The following GALNT10 variants were observed in gnomAD, a reference collection of about 807,000 sequenced individuals.
GALNT10 encodes polypeptide N-acetylgalactosaminyltransferase 10.
Under a neutral mutation model 75.0 loss-of-function variants are expected in GALNT10, and 41 were observed. That is an observed-to-expected ratio of 0.55 (90% confidence interval 0.43 to 0.71). The LOEUF is 0.71. Among genes scored for constraint, GALNT10 ranks in the 30% least tolerant of loss-of-function variants. The pLI, the probability that GALNT10 is intolerant of heterozygous loss-of-function variation, is 0.00. For missense variants in GALNT10, 727 were observed against 818.5 expected (o/e 0.89, Z 1.36); for synonymous variants, 302 against 313.0 (o/e 0.96, Z 0.37).
intron 1 of GALNT10, among the ~76,000 whole-genome samples, chr5:154,222,986 A>C (rs145672174): frequency 1.5e-3 from 222 of 152,340 alleles, no homozygotes; most frequent in African/African-American, 5.0e-3. Context: ...GAAATTTAAC[A>C]AATGTAGTAA....
chr5:154,328,548 G>A (rs902324222), intron 3 of GALNT10, among the ~76,000 whole-genome samples: 3 of 152,204 alleles, frequency 2.0e-5, no homozygotes, highest in African/African-American at 7.2e-5. Context: ...GGGGCTCCCC[G>A]ACAAGCAATT....
Position 154,416,518 on chromosome 5 carries a change from C to T in GALNT10, c.1654-296C>T, listed in dbSNP as rs1340710967. Among the ~76,000 whole-genome samples the T allele has an allele frequency of 2.7e-5, 4 of 149,144 alleles. No individual in the cohort carries two copies. In the East Asian group the frequency reaches 5.9e-4, roughly 22 times the overall value. ...ACACACACACACACACACACACACA[C>T]GATAAGGACCAGTGAGGTCTGACAG... is the stretch of plus-strand genomic sequence containing the variant. On this transcript the variant is annotated intron_variant, in intron 11 of 11. Transcript: ENST00000297107. This position sits in a 1 kb window ranked among gnomAD's most constrained non-coding sequence, Gnocchi z 4.5.
chr5:154,211,482 G>T (rs567470644), intron 1 of GALNT10, among the ~76,000 whole-genome samples: 1 of 152,168 alleles, frequency 6.6e-6, no homozygotes, highest in East Asian at 1.9e-4. Flanking sequence ...TACTCCTTCT[G>T]CTGTGAAACT....
intron 1 of GALNT10, among the ~76,000 whole-genome samples, chr5:154,209,868 T>C (rs1476803199): frequency 6.6e-6 from 1 of 151,090 alleles, no homozygotes; most frequent in Non-Finnish European, 1.5e-5. Context: ...ATAGCTCTAG[T>C]GGGGTTTACA....
chr5:154,317,237 G>T (rs544479820), intron 3 of GALNT10, among the ~76,000 whole-genome samples: 1 of 152,184 alleles, frequency 6.6e-6, no homozygotes, highest in Admixed American at 6.5e-5. Context: ...TCTGTGGATG[G>T]TGTCCCATGC....
intron 4 of GALNT10, among the ~76,000 whole-genome samples, chr5:154,339,260 A>G (rs1160258598): frequency 2.5e-4 from 38 of 152,336 alleles, no homozygotes; most frequent in Non-Finnish European, 1.2e-4. Context: ...CATCTCAAGT[A>G]TCAGTCTCCA....
At chr5:154,248,598 A>G (rs887392086) in intron 1 of GALNT10, among the ~76,000 whole-genome samples, 11 of 152,352 alleles carry the variant, frequency 7.2e-5, no homozygotes, top group Non-Finnish European at 1.5e-4. Context: ...TTATTTGCAT[A>G]GAGATGTTTA....
rs1473769585 is a variant in GALNT10 at position 154,386,400 on chromosome 5, G to T, written c.1026G>T (p.Trp342Cys). 2 of 1,613,274 alleles carry T rather than the reference G, an allele frequency of 1.2e-6. No individual in the cohort carries two copies. The highest frequency in any genetic ancestry group is 2.2e-5 in the South Asian group (2 of 91,080). ...GGTATGACCCAGGCTTGGAGATCTGGGGAGGGGAGCAGTATGAAATCTCCT... is the reference window on the plus strand; with the variant it reads ...GGTATGACCCAGGCTTGGAGATCTGTGGAGGGGAGCAGTATGAAATCTCCT... ...LGGYDPGLEI[W>C]GGEQYEISFK... is the part of the protein sequence containing the mutation. The change falls in exon 7 of 12, where the codon TGG (tryptophan) becomes TGT (cysteine). Residue 342 changes from tryptophan to cysteine, a missense_variant. Trp to Cys is a radical substitution (Grantham distance 215). Coordinates refer to ENST00000297107, the MANE Select transcript of GALNT10 (RefSeq NM_198321.4).
intron 1 of GALNT10, chr5:154,219,366 C>A (rs1752934023): frequency 6.6e-6 from 1 of 152,586 alleles, no homozygotes; most frequent in African/African-American, 2.4e-5. Flanking sequence ...TAACCGTATC[C>A]CAGGACAGTC....
At chr5:154,296,694 G>A (rs1754279662) in intron 2 of GALNT10, among the ~76,000 whole-genome samples, 1 of 152,236 alleles carries the variant, frequency 6.6e-6, no homozygotes, top group Non-Finnish European at 1.5e-5. Flanking sequence ...GGGATGGTAG[G>A]GCTGGCCTTG....
At position 154,412,444 on chromosome 5, in the gene GALNT10, A is replaced by T. The variant is rs1427087201; in HGVS notation, c.1387-445A>T. 4 of 186,592 alleles carry T rather than the reference A, an allele frequency of 2.1e-5. No individual in the cohort carries two copies. 11.6% of individuals were successfully genotyped at this position (186,592 alleles called of 1,614,324 possible). ...TCTTGCCATTCACCTGTCCTAAGGG[A>T]CAGAGACAGTCCATGACATACAGCA... is the stretch of plus-strand genomic sequence containing the variant. On this transcript the variant is annotated intron_variant, in intron 9 of 11. Coordinates refer to ENST00000297107, the MANE Select transcript of GALNT10 (RefSeq NM_198321.4). The surrounding 1 kb of genome is among the most constrained non-coding windows in gnomAD (Gnocchi z 4.2).
intron 4 of GALNT10, among the ~76,000 whole-genome samples, chr5:154,363,362 A>C (rs1755420792): frequency 6.6e-6 from 1 of 152,144 alleles, no homozygotes; most frequent in South Asian, 2.1e-4. Flanking sequence ...AGAAAGAAAA[A>C]GATGAAATAT....
intron 1 of GALNT10, among the ~76,000 whole-genome samples, chr5:154,245,186 T>G (rs948449403): frequency 6.6e-6 from 1 of 152,048 alleles, no homozygotes; most frequent in Non-Finnish European, 1.5e-5. Context: ...AGATGACAAC[T>G]AGAGCCACCA....
At chr5:154,282,700 G>T (rs1284863450) in intron 1 of GALNT10, among the ~76,000 whole-genome samples, 1 of 152,184 alleles carries the variant, frequency 6.6e-6, no homozygotes, top group Non-Finnish European at 1.5e-5. Context: ...AAGCCATTTA[G>T]TCATAGGATA....
chr5:154,284,837 G>T (rs774418575), intron 1 of GALNT10, among the ~76,000 whole-genome samples: 5 of 152,210 alleles, frequency 3.3e-5, no homozygotes, highest in African/African-American at 4.8e-5. Flanking sequence ...CTCATGTGGT[G>T]GTTGGCAGTT....
In GALNT10 at chr5:154,417,802, C is replaced by T. The variant is rs1250644334; in HGVS notation, c.*830C>T. On this transcript the variant is annotated 3_prime_UTR_variant, in exon 12 of 12. Transcript: ENST00000297107. The stretch of plus-strand genomic sequence containing the variant: ...CCACGGAAAAGGCCAGGTAGACCTC[C>T]AAACTAGAAATGCTGGCTGATTTGC... 6.6e-6 allele frequency: 1 copy of T among 152,228 alleles called. No homozygotes were observed. The highest frequency in any genetic ancestry group is 1.5e-5 in the Non-Finnish European group (1 of 68,064). 9.4% of individuals were successfully genotyped at this position (152,228 alleles called of 1,614,324 possible).
intron 4 of GALNT10, among the ~76,000 whole-genome samples, chr5:154,338,941 G>A (rs112031739): frequency 0.012 from 1,795 of 152,264 alleles, 31 homozygotes; most frequent in African/African-American, 0.041. Flanking sequence ...GGGCAGTGTC[G>A]GCCAATAAGC....
At chr5:154,297,817 T>C (rs529838996) in intron 2 of GALNT10, 124 bp from the exon 3 acceptor site, 2 of 845,814 alleles carry the variant, frequency 2.4e-6, no homozygotes, top group East Asian at 5.0e-5. Flanking sequence ...AAAACTGAGC[T>C]ATGCTCTATA....
At chr5:154,368,569 G>GA (rs897766740) in intron 4 of GALNT10, among the ~76,000 whole-genome samples, 1 of 152,172 alleles carries the variant, frequency 6.6e-6, no homozygotes, top group African/African-American at 2.4e-5. Context: ...CATGTCAAAG[G>GA]AAAACAAAGG....
Sources: gnomAD v4.1 joint callset for allele counts (sites outside exome capture counted in the v4.1 genomes callset) on GRCh38, gnomAD v4.1.1 for gene constraint, Gnocchi (gnomAD v3.1) non-coding constraint, MANE v1.5 for transcripts, NCBI Gene and HGNC (gene_info 2026-07-23, HGNC 2026-07-21) for gene names.